NRXN1: variants seen among roughly 807,000 people sequenced by gnomAD.
NRXN1 encodes the protein neurexin 1.
A neutral mutation model predicts 150.9 loss-of-function variants in NRXN1; 39 were observed. The ratio of observed to expected loss-of-function variants is 0.26; its 90% confidence interval spans 0.20 to 0.34. The LOEUF (loss-of-function observed/expected upper bound fraction) is 0.34, where lower values mean the gene tolerates loss of function less well. Ranked by LOEUF, NRXN1 falls within the 10% of genes least tolerant of loss-of-function variation. The probability of loss-of-function intolerance (pLI) is 1.00; values close to 1 mark genes in which losing one functional copy is unlikely to be tolerated. For missense variants in NRXN1, 1,815 were observed against 1,949.9 expected, an observed-to-expected ratio of 0.93 and a Z score of 1.30; for synonymous variants, 924 against 757.0, an observed-to-expected ratio of 1.22 and a Z score of -3.62.
At chr2:50,741,135 T>G (rs937431783) in intron 5 of NRXN1, among the ~76,000 whole-genome samples, 4 of 152,126 alleles carry the variant, frequency 2.6e-5, no homozygotes, top group African/African-American at 9.7e-5. Flanking sequence ...AGATCAAAAT[T>G]GTCCTCATTA....
chr2:50,333,829 G>A (rs2076987177), intron 17 of NRXN1, among the ~76,000 whole-genome samples: 1 of 151,982 alleles, frequency 6.6e-6, no homozygotes, highest in Non-Finnish European at 1.5e-5. Flanking sequence ...TTTGCCAGCA[G>A]AGTGTGTAAA....
chr2:50,536,100 C>G (rs2093252471), intron 10 of NRXN1, among the ~76,000 whole-genome samples: 2 of 152,314 alleles, frequency 1.3e-5, no homozygotes, highest in South Asian at 4.1e-4. Context: ...CTTGTGTTAA[C>G]TGAACTAGGG....
chr2:50,343,655 G>A (rs1157099394), intron 17 of NRXN1, among the ~76,000 whole-genome samples: 2 of 152,194 alleles, frequency 1.3e-5, no homozygotes, highest in African/African-American at 4.8e-5. Context: ...AGCGCTCTCT[G>A]CGCCCTGCAA....
At chr2:50,180,202 A>T (rs945772856) in intron 18 of NRXN1, among the ~76,000 whole-genome samples, 1 of 150,904 alleles carries the variant, frequency 6.6e-6, no homozygotes, top group East Asian at 2.0e-4. Context: ...AAAAAAAAAA[A>T]TTTGTAGAGA....
intron 18 of NRXN1, among the ~76,000 whole-genome samples, chr2:50,139,968 T>C (rs947850697): frequency 2.1e-4 from 32 of 152,192 alleles, no homozygotes; most frequent in African/African-American, 2.4e-4. Context: ...TAAAGACTGA[T>C]ACATTCTTTC....
At chr2:50,580,178 A>G (rs2103637549) in intron 8 of NRXN1, among the ~76,000 whole-genome samples, 1 of 152,330 alleles carries the variant, frequency 6.6e-6, no homozygotes, top group Non-Finnish European at 1.5e-5. Flanking sequence ...ATATTTTAAA[A>G]GAAAACAGAA....
At position 50,847,537 on chromosome 2, in the gene NRXN1, C is replaced by T. The variant is rs1362357353; in HGVS notation, c.832+74332G>A. On this transcript the variant is annotated intron_variant, in intron 5 of 22. Transcript: ENST00000401669. ...TGGCTAGGGCTCCACCCCCACGGAC[C>T]CAGGTGAGAACAGGCATTTCCTGCC... Among the ~76,000 whole-genome samples the T allele has an allele frequency of 2.0e-5, 3 of 152,090 alleles. No individual in the cohort carries two copies. The East Asian group carries it at 5.8e-4, about 30-fold the overall frequency.
intron 8 of NRXN1, among the ~76,000 whole-genome samples, chr2:50,598,789 T>A (rs1248512221): frequency 6.6e-6 from 1 of 151,018 alleles, no homozygotes; most frequent in East Asian, 1.9e-4. Flanking sequence ...ACAGAGTCTC[T>A]CTGTGTTGCC....
At chr2:50,372,198 G>A (rs1380582279) in intron 17 of NRXN1, among the ~76,000 whole-genome samples, 1 of 152,036 alleles carries the variant, frequency 6.6e-6, no homozygotes, top group African/African-American at 2.4e-5. Context: ...CAGTTTGTCA[G>A]TATTCTCTAA....
rs148470192 is a variant in NRXN1 at position 50,336,334 on chromosome 2, A to T, written c.3365-99364T>A. Among the ~76,000 whole-genome samples the T allele has an allele frequency of 1.5e-3, 224 of 152,360 alleles. 1 individual carries two copies. Among genetic ancestry groups the T allele is most frequent in the African/African-American group, 5.1e-3 (214 of 41,588 alleles). The stretch of plus-strand genomic sequence containing the variant: ...CTTATAGTCTAATATAAAAACTCAT[A>T]AGAAATGAGTAGTAGAGATGCTTAA... On this transcript the variant is annotated intron_variant, in intron 17 of 22. Transcript: ENST00000401669.
chr2:50,074,352 T>C (rs1352773609), intron 19 of NRXN1, among the ~76,000 whole-genome samples: 2 of 152,108 alleles, frequency 1.3e-5, no homozygotes, highest in Non-Finnish European at 2.9e-5. Flanking sequence ...ATGTAAAATA[T>C]AACACAAGAT....
chr2:50,913,221 T>C (rs1276172081), intron 5 of NRXN1, among the ~76,000 whole-genome samples: 1 of 151,866 alleles, frequency 6.6e-6, no homozygotes, highest in Non-Finnish European at 1.5e-5. Context: ...GGAAGATTTC[T>C]GGCAGATTTT....
chr2:50,966,597 C>G (rs1393063124), intron 2 of NRXN1, among the ~76,000 whole-genome samples: 1 of 151,644 alleles, frequency 6.6e-6, no homozygotes, highest in Non-Finnish European at 1.5e-5. Context: ...ATTACTTCTC[C>G]CAATTAGAAA....
intron 2 of NRXN1, among the ~76,000 whole-genome samples, chr2:50,947,504 C>T (rs554076997): frequency 3.0e-4 from 46 of 151,880 alleles, no homozygotes; most frequent in African/African-American, 8.9e-4. Flanking sequence ...TTCCCATGCA[C>T]GGCAATGGAG....
At chr2:50,104,115 C>A (rs544540073) in intron 18 of NRXN1, among the ~76,000 whole-genome samples, 2 of 152,018 alleles carry the variant, frequency 1.3e-5, no homozygotes, top group South Asian at 2.1e-4. Flanking sequence ...TGTGAAATAT[C>A]ATTTCGTGAA....
chr2:50,356,706 C>T (rs1033722524), intron 17 of NRXN1, among the ~76,000 whole-genome samples: 1 of 152,098 alleles, frequency 6.6e-6, no homozygotes, highest in Non-Finnish European at 1.5e-5. Context: ...AAATAAACCA[C>T]ACAGCAAGTG....
intron 5 of NRXN1, among the ~76,000 whole-genome samples, chr2:50,776,074 C>T (rs1237933210): frequency 6.6e-6 from 1 of 152,036 alleles, no homozygotes; most frequent in African/African-American, 2.4e-5. Flanking sequence ...ATGAACAAAT[C>T]GACTGTCATT....
chr2:50,025,309 A>G (rs1363403740), intron 21 of NRXN1, among the ~76,000 whole-genome samples: 1 of 152,222 alleles, frequency 6.6e-6, no homozygotes, highest in East Asian at 1.9e-4. Context: ...GATGATTTGT[A>G]AACAAGATTT....
At chr2:50,312,333 G>A (rs1016892940) in intron 17 of NRXN1, among the ~76,000 whole-genome samples, 2 of 151,992 alleles carry the variant, frequency 1.3e-5, no homozygotes, top group African/African-American at 4.8e-5. Context: ...GACAGTCATA[G>A]TATGCAGGGG....
Sources: gnomAD v4.1 joint callset for allele counts (sites outside exome capture counted in the v4.1 genomes callset) on GRCh38, gnomAD v4.1.1 for gene constraint, MANE v1.5 for transcripts, NCBI Gene and HGNC (gene_info 2026-07-23, HGNC 2026-07-21) for gene names.